Variants in VPS13B observed in about 807,000 individuals in gnomAD.
VPS13B encodes intermembrane lipid transfer protein VPS13B.
VPS13B carries 285 observed loss-of-function variants against 426.4 expected under a neutral mutation model. The ratio of observed to expected loss-of-function variants is 0.67; its 90% confidence interval spans 0.61 to 0.74. The LOEUF (loss-of-function observed/expected upper bound fraction) is 0.74, where lower values mean the gene tolerates loss of function less well. Among genes scored for constraint, VPS13B ranks in the 30% least tolerant of loss-of-function variants. VPS13B has a pLI of 0.00. For synonymous variants in VPS13B, 1,676 were observed against 1,676.4 expected (o/e 1.00, Z 0.01); for missense variants, 4,537 against 4,782.6 (o/e 0.95, Z 1.51).
chr8:99,380,099 A>C (rs1460619907), intron 19 of VPS13B, among the ~76,000 whole-genome samples: 1 of 152,180 alleles, frequency 6.6e-6, no homozygotes, highest in Non-Finnish European at 1.5e-5. Flanking sequence ...ATAAGAATAC[A>C]GTGCAAATTA....
intron 3 of VPS13B, 123 bp from the exon 4 acceptor site, chr8:99,096,189 A>T: frequency 8.5e-7 from 1 of 1,177,170 alleles, no homozygotes; most frequent in Non-Finnish European, 1.2e-6. Context: ...TAGAGCTAAA[A>T]AATAAAATTA....
intron 19 of VPS13B, among the ~76,000 whole-genome samples, chr8:99,344,671 A>G (rs111822358): frequency 1.1e-3 from 163 of 152,116 alleles, no homozygotes; most frequent in African/African-American, 3.8e-3. Flanking sequence ...TTCCCTGGTT[A>G]TTAGTGAATT....
At chr8:99,688,133 C>CTTTTTTTT (rs1307921649) in intron 35 of VPS13B, among the ~76,000 whole-genome samples, 5 of 113,090 alleles carry the variant, frequency 4.4e-5, no homozygotes, top group Admixed American at 9.0e-5. Context: ...TCCTTGCTTG[C>CTTTTTTTT]TTTTTTTTTT....
intron 19 of VPS13B, among the ~76,000 whole-genome samples, chr8:99,358,790 G>C (rs1812334668): frequency 6.6e-6 from 1 of 152,124 alleles, no homozygotes; most frequent in African/African-American, 2.4e-5. Flanking sequence ...TTATTATATA[G>C]ATCTTGATAA....
chr8:99,539,233 A>G (rs2133717517), intron 30 of VPS13B, among the ~76,000 whole-genome samples: 1 of 152,322 alleles, frequency 6.6e-6, no homozygotes, highest in East Asian at 1.9e-4. Context: ...CCTTTAAAAA[A>G]TAGGTACAAT....
intron 3 of VPS13B, among the ~76,000 whole-genome samples, chr8:99,042,654 GT>G (rs1456544571): frequency 5.3e-5 from 8 of 152,016 alleles, no homozygotes; most frequent in Non-Finnish European, 1.2e-4. Flanking sequence ...CTTTTTGTTT[GT>G]TTTGTTTCTG....
intron 23 of VPS13B, among the ~76,000 whole-genome samples, chr8:99,461,066 G>T (rs549920028): frequency 1.3e-5 from 2 of 151,998 alleles, no homozygotes; most frequent in East Asian, 3.9e-4. Flanking sequence ...TTTATTTTTG[G>T]AAAGAGGATT....
At chr8:99,524,126 G>A (rs1018107036) in intron 30 of VPS13B, among the ~76,000 whole-genome samples, 8 of 151,962 alleles carry the variant, frequency 5.3e-5, no homozygotes, top group East Asian at 1.9e-4. Context: ...TCTCTTAACA[G>A]CAAAATTGAT....
chr8:99,721,571 G>C (rs1833136715), intron 39 of VPS13B, among the ~76,000 whole-genome samples: 1 of 152,132 alleles, frequency 6.6e-6, no homozygotes. Context: ...GTTATTCCGA[G>C]TTTAATATAA....
At chr8:99,035,397 C>A (rs1842696807) in intron 2 of VPS13B, among the ~76,000 whole-genome samples, 1 of 152,086 alleles carries the variant, frequency 6.6e-6, no homozygotes, top group Admixed American at 6.6e-5. Context: ...ATGTTAGATA[C>A]CTTATATATG....
intron 16 of VPS13B, among the ~76,000 whole-genome samples, chr8:99,187,630 CT>C (rs1188290166): frequency 6.6e-6 from 1 of 152,108 alleles, no homozygotes; most frequent in East Asian, 1.9e-4. Flanking sequence ...TAGTGGCTTT[CT>C]TATTGGGCAA....
At chr8:99,826,956 G>T (rs1280779381) in intron 51 of VPS13B, among the ~76,000 whole-genome samples, 1 of 152,092 alleles carries the variant, frequency 6.6e-6, no homozygotes. Flanking sequence ...TTAATGTGCT[G>T]CTGGATTCGG....
At chr8:99,147,684 T>A (rs1810813350) in intron 13 of VPS13B, among the ~76,000 whole-genome samples, 157 bp from the exon 14 acceptor site, 1 of 152,226 alleles carries the variant, frequency 6.6e-6, no homozygotes, top group South Asian at 2.1e-4. Flanking sequence ...GTGCAACTTA[T>A]ATTTGTTAAA....
intron 3 of VPS13B, among the ~76,000 whole-genome samples, chr8:99,084,556 T>G (rs1845664259): frequency 6.6e-6 from 1 of 152,236 alleles, no homozygotes; most frequent in African/African-American, 2.4e-5. Context: ...AGGGTGTCAA[T>G]TTTAGATCTT....
intron 3 of VPS13B, among the ~76,000 whole-genome samples, chr8:99,045,306 G>A (rs530745610): frequency 6.6e-6 from 1 of 152,154 alleles, no homozygotes; most frequent in Non-Finnish European, 1.5e-5. Context: ...GATTATTAGT[G>A]ATGTGAACAT....
At chr8:99,615,324 G>A (rs79425098) in intron 33 of VPS13B, among the ~76,000 whole-genome samples, 3,452 of 152,126 alleles carry the variant, frequency 0.023, 146 homozygotes, top group African/African-American at 0.079. Flanking sequence ...TAATCCTGGC[G>A]CTACCACTTA....
chr8:99,479,005 T>C (rs1230539248), intron 24 of VPS13B, among the ~76,000 whole-genome samples: 1 of 152,134 alleles, frequency 6.6e-6, no homozygotes, highest in East Asian at 1.9e-4. Flanking sequence ...TCTGTTGACA[T>C]TGTATATCCA....
chr8:99,676,114 C>T (rs751882491), intron 35 of VPS13B, among the ~76,000 whole-genome samples: 61 of 152,126 alleles, frequency 4.0e-4, no homozygotes, highest in Non-Finnish European at 7.1e-4. Context: ...CAACAGTAAG[C>T]CTGTCTAGAA....
chr8:99,243,329 G>T (rs1417797234), intron 17 of VPS13B, among the ~76,000 whole-genome samples: 1 of 152,110 alleles, frequency 6.6e-6, no homozygotes, highest in Non-Finnish European at 1.5e-5. Context: ...TAGTTTCCTG[G>T]AGCTTTAGTT....
Sources: gnomAD v4.1 joint callset for allele counts (sites outside exome capture counted in the v4.1 genomes callset) on GRCh38, gnomAD v4.1.1 for gene constraint, MANE v1.5 for transcripts, NCBI Gene and HGNC (gene_info 2026-07-23, HGNC 2026-07-21) for gene names.